MARK2: variants seen among roughly 807,000 people sequenced by gnomAD.
The protein encoded by MARK2 is serine/threonine-protein kinase MARK2.
MARK2 carries 16 observed loss-of-function variants against 89.8 expected under a neutral mutation model. The ratio of observed to expected loss-of-function variants is 0.18; its 90% CI spans 0.12 to 0.27. MARK2 has a LOEUF of 0.27. MARK2 is among the 10% of genes least tolerant of loss of function. The pLI, the probability that MARK2 is intolerant of heterozygous loss-of-function variation, is 1.00. For synonymous variants in MARK2, 382 were observed against 399.5 expected, an observed-to-expected ratio of 0.96 and a Z score of 0.52; for missense variants, 621 against 1,049.9, an observed-to-expected ratio of 0.59 and a Z score of 5.65.
rs556885258 is a variant in MARK2 at position 63,905,949 on chromosome 11, C to T, written c.1935-139C>T. 9 of 573,162 alleles carry T rather than the reference C, an allele frequency of 1.6e-5. No homozygotes were observed. The South Asian group carries it at 2.9e-4, about 18-fold the overall frequency. 35.5% of individuals were successfully genotyped at this position (573,162 alleles called of 1,614,324 possible). A position where few individuals can be genotyped will look rare whatever the true frequency, so the allele number is the denominator to read the frequency against. On this transcript the variant is annotated intron_variant, in intron 16 of 18. Transcript: ENST00000402010. ...GTCTGAAAGCCTGGGACTCTAGTCTCGCTGAGCGGCTCTTCCGAAAATGGG... is the reference window on the plus strand; with the variant it reads ...GTCTGAAAGCCTGGGACTCTAGTCTTGCTGAGCGGCTCTTCCGAAAATGGG...
At chr11:63,875,433 T>G (rs922226174) in intron 1 of MARK2, among the ~76,000 whole-genome samples, 2 of 152,154 alleles carry the variant, frequency 1.3e-5, no homozygotes, top group Non-Finnish European at 2.9e-5. Flanking sequence ...TTTTCTTTGT[T>G]GAGATGGGGA....
At position 63,904,207 on chromosome 11, in the gene MARK2, C is replaced by T; in HGVS notation, c.1676+60C>T. 1 of 1,414,572 alleles carries T rather than the reference C, an allele frequency of 7.1e-7. No individual in the cohort carries two copies. Among genetic ancestry groups the T allele is most frequent in the Non-Finnish European group, 9.4e-7 (1 of 1,068,386 alleles). 87.6% of individuals were successfully genotyped at this position (1,414,572 alleles called of 1,614,324 possible). A position where few individuals can be genotyped will look rare whatever the true frequency, so the allele number is the denominator to read the frequency against. On this transcript the variant is annotated intron_variant, in intron 15 of 18. Transcript: ENST00000402010. The surrounding 1 kb of genome is among the most constrained non-coding windows in gnomAD (Gnocchi z 6.3). ...CCTCAGCCCACCCTACCCCCTTGCC[C>T]CAACAATTTCTTCTTCCCACTTGGG...
chr11:63,841,898 G>A (rs556138271), intron 1 of MARK2, among the ~76,000 whole-genome samples: 1 of 152,294 alleles, frequency 6.6e-6, no homozygotes, highest in East Asian at 1.9e-4. Flanking sequence ...CATATAGTAG[G>A]AATTCCACCG....
intron 1 of MARK2, among the ~76,000 whole-genome samples, chr11:63,869,525 G>A (rs1460387755): frequency 6.6e-6 from 1 of 152,160 alleles, no homozygotes; most frequent in East Asian, 1.9e-4. Flanking sequence ...TTTATGGTAT[G>A]TGGAGAGTCT....
chr11:63,854,052 T>C (rs2016709317), intron 1 of MARK2, among the ~76,000 whole-genome samples: 1 of 151,350 alleles, frequency 6.6e-6, no homozygotes, highest in South Asian at 2.1e-4. Context: ...TTTGTATTTT[T>C]AGTAGAGACA....
At chr11:63,871,527 CTG>C (rs770794900) in intron 1 of MARK2, among the ~76,000 whole-genome samples, 208 of 151,182 alleles carry the variant, frequency 1.4e-3, no homozygotes, top group Non-Finnish European at 2.4e-3. Flanking sequence ...AGAGTATTCA[CTG>C]TGTGCAGGTG....
intron 1 of MARK2, chr11:63,888,777 T>C (rs1939575786): frequency 1.6e-6 from 2 of 1,241,134 alleles, no homozygotes; most frequent in South Asian, 1.3e-5. Context: ...TTAGCTACTT[T>C]TCACTGAGGA....
At chr11:63,874,732 G>A (rs983551010) in intron 1 of MARK2, among the ~76,000 whole-genome samples, 4 of 152,044 alleles carry the variant, frequency 2.6e-5, no homozygotes, top group African/African-American at 9.7e-5. Context: ...AGAACTTGTC[G>A]GCCCAGCTCA....
chr11:63,845,200 C>T (rs2016219183), intron 1 of MARK2, among the ~76,000 whole-genome samples: 1 of 152,146 alleles, frequency 6.6e-6, no homozygotes, highest in South Asian at 2.1e-4. Flanking sequence ...ATTCCCTCTG[C>T]TTGGTTAAGC....
At chr11:63,884,895 C>T (rs553227603) in intron 1 of MARK2, among the ~76,000 whole-genome samples, 41 of 152,332 alleles carry the variant, frequency 2.7e-4, no homozygotes, top group African/African-American at 8.2e-4. Flanking sequence ...AGGACTCCAA[C>T]TCCCAGTTAC....
intron 1 of MARK2, among the ~76,000 whole-genome samples, chr11:63,840,282 A>G (rs1475942869): frequency 6.6e-6 from 1 of 152,084 alleles, no homozygotes; most frequent in Non-Finnish European, 1.5e-5. Flanking sequence ...TGTCATGCGC[A>G]TAGTTTTCCC....
At chr11:63,862,177 A>G (rs112854115) in intron 1 of MARK2, among the ~76,000 whole-genome samples, 21 of 152,034 alleles carry the variant, frequency 1.4e-4, no homozygotes, top group Non-Finnish European at 1.0e-4. Flanking sequence ...CACCCATCTC[A>G]GCTTCCCAAA....
chr11:63,852,855 A>G (rs894010034), intron 1 of MARK2, among the ~76,000 whole-genome samples: 1 of 152,210 alleles, frequency 6.6e-6, no homozygotes, highest in African/African-American at 2.4e-5. Context: ...AAGGAATTGC[A>G]TATTTTATGC....
intron 1 of MARK2, among the ~76,000 whole-genome samples, chr11:63,859,372 T>G (rs1193195698): frequency 6.6e-6 from 1 of 151,538 alleles, no homozygotes; most frequent in Non-Finnish European, 1.5e-5. Context: ...CAGGCTGGAG[T>G]GCAGTGGCAC....
At chr11:63,865,122 G>A (rs1034969504) in intron 1 of MARK2, among the ~76,000 whole-genome samples, 7 of 151,972 alleles carry the variant, frequency 4.6e-5, no homozygotes, top group Non-Finnish European at 8.8e-5. Context: ...AACTCCTGGC[G>A]TCAAGCAACC....
chr11:63,883,208 C>T (rs538408625), intron 1 of MARK2, among the ~76,000 whole-genome samples: 95 of 152,302 alleles, frequency 6.2e-4, no homozygotes, highest in African/African-American at 2.1e-3. Context: ...AAGGGAAGAA[C>T]CCTGGCAGGA....
At chr11:63,888,496 AG>A in intron 1 of MARK2, 2 of 868,424 alleles carry the variant, frequency 2.3e-6, no homozygotes, top group Non-Finnish European at 2.7e-6. Flanking sequence ...GGAGGGGGGG[AG>A]GGGGAGGGGA....
intron 1 of MARK2, among the ~76,000 whole-genome samples, chr11:63,859,712 G>A (rs1322528148): frequency 6.6e-6 from 1 of 151,112 alleles, no homozygotes; most frequent in Admixed American, 6.6e-5. Context: ...GCTCACTGCA[G>A]CCTCCACCTC....
intron 1 of MARK2, among the ~76,000 whole-genome samples, chr11:63,866,786 A>T (rs1591007805): frequency 6.6e-6 from 1 of 152,172 alleles, no homozygotes; most frequent in South Asian, 2.1e-4. Flanking sequence ...AGCTTTTCCC[A>T]TTTAAGATAG....
Sources: gnomAD v4.1 joint callset for allele counts (sites outside exome capture counted in the v4.1 genomes callset) on GRCh38, gnomAD v4.1.1 for gene constraint, Gnocchi (gnomAD v3.1) non-coding constraint, MANE v1.5 for transcripts, NCBI Gene and HGNC (gene_info 2026-07-23, HGNC 2026-07-21) for gene names.